The following HEPACAM2 variants were observed in gnomAD, a reference collection of about 807,000 sequenced individuals.
HEPACAM2 encodes the protein mitotic kinetics regulator.
HEPACAM2 carries 49 observed loss-of-function variants against 49.6 expected under a neutral mutation model. The ratio of observed to expected loss-of-function variants is 0.99; its 90% CI spans 0.78 to 1.25. HEPACAM2 has a LOEUF of 1.25. Among genes scored for constraint, HEPACAM2 ranks in the 50% most tolerant of loss-of-function variants. The probability of loss-of-function intolerance (pLI) is 0.00; values close to 1 mark genes in which losing one functional copy is unlikely to be tolerated. For synonymous variants in HEPACAM2, 197 were observed against 202.9 expected, an observed-to-expected ratio of 0.97 and a Z score of 0.25; for missense variants, 525 against 557.2, an observed-to-expected ratio of 0.94 and a Z score of 0.58.
chr7:93,192,287 T>C lies in HEPACAM2; in HGVS notation c.1352A>G (p.Gln451Arg), dbSNP rs1329046451. Residue 451 changes from glutamine (Q) to arginine (R), a missense_variant, in exon 9 of 10, where the codon CAG (glutamine) becomes CGG (arginine). Transcript: ENST00000394468. ...DLHSTVYEVI[Q>R]HIPAQQQDHP... Reference sequence around the variant, plus strand: ...GTCTTGCTGCTGGGCAGGGATGTGCTGAATAACTTCATACACTGTACTGTG... The same window carrying C: ...GTCTTGCTGCTGGGCAGGGATGTGCCGAATAACTTCATACACTGTACTGTG... The C allele has an allele frequency of 1.2e-6, 2 of 1,612,840 alleles. No individual in the cohort carries two copies. Among genetic ancestry groups the C allele is most frequent in the Non-Finnish European group, 1.7e-6 (2 of 1,179,148 alleles).
chr7:93,220,139 G>A (rs76843984), intron 1 of HEPACAM2, among the ~76,000 whole-genome samples: 3,959 of 152,204 alleles, frequency 0.026, 182 homozygotes, highest in African/African-American at 0.09. Context: ...CAGGACCTTA[G>A]GATCACGGGA....
At chr7:93,203,407 C>T (rs1418861303) in intron 4 of HEPACAM2, among the ~76,000 whole-genome samples, 1 of 152,136 alleles carries the variant, frequency 6.6e-6, no homozygotes, top group African/African-American at 2.4e-5. Context: ...CAAAGATGAA[C>T]TTCCAGAACC....
rs753222249 is a variant in HEPACAM2, at chr7:93,219,190, A to G, written c.341T>C (p.Phe114Ser). ...NASLLINPLQ[F>S]PDEGNYIVKV... is the part of the protein sequence containing the mutation. ...CACGATGTAATTGCCTTCATCAGGG[A>G]ACTGCAGTGGGTTGATAAGCAGAGA... Residue 114 changes from phenylalanine (F) to serine (S), a missense_variant, in exon 2 of 10, where the codon TTC becomes TCC. Transcript: ENST00000394468. 1.2e-6 allele frequency: 2 copies of G among 1,613,906 alleles called. No homozygotes were observed. Among genetic ancestry groups the G allele is most frequent in the East Asian group, 4.5e-5 (2 of 44,874 alleles).
chr7:93,195,232 G>T (rs939826518), intron 8 of HEPACAM2, among the ~76,000 whole-genome samples: 1 of 152,010 alleles, frequency 6.6e-6, no homozygotes, highest in African/African-American at 2.4e-5. Flanking sequence ...TGTTTATTCA[G>T]TATTTATTTA....
chr7:93,196,669 A>T (rs1377291855), intron 7 of HEPACAM2, among the ~76,000 whole-genome samples: 2 of 152,130 alleles, frequency 1.3e-5, no homozygotes, highest in African/African-American at 4.8e-5. Flanking sequence ...CTAAGGTGAC[A>T]TGAGGGGAAA....
intron 8 of HEPACAM2, among the ~76,000 whole-genome samples, chr7:93,193,685 T>A (rs1584326213): frequency 6.6e-6 from 1 of 152,256 alleles, no homozygotes; most frequent in East Asian, 1.9e-4. Context: ...GTGATCCTCC[T>A]AACTCAGCTT....
At chr7:93,202,035 A>AAAAAAAAAAAAAAAC (rs1793905402) in intron 4 of HEPACAM2, among the ~76,000 whole-genome samples, 1 of 3,428 alleles carries the variant, frequency 2.9e-4, no homozygotes, top group Non-Finnish European at 4.8e-4. Flanking sequence ...AAAAAACCAA[A>AAAAAAAAAAAAAAAC]AAAAAAAAAA....
At chr7:93,197,186 C>T in intron 7 of HEPACAM2, 55 bp downstream of exon 7, 1 of 1,260,314 alleles carries the variant, frequency 7.9e-7, no homozygotes, top group Non-Finnish European at 1.1e-6. Flanking sequence ...AATATTAACA[C>T]AACTAATTAA....
At chr7:93,191,987 G>A (rs1302712606) in intron 9 of HEPACAM2, among the ~76,000 whole-genome samples, 1 of 152,062 alleles carries the variant, frequency 6.6e-6, no homozygotes, top group Non-Finnish European at 1.5e-5. Context: ...GAAATATTGT[G>A]AGAAACTAAT....
intron 1 of HEPACAM2, among the ~76,000 whole-genome samples, chr7:93,221,573 C>T (rs978071642): frequency 2.6e-5 from 4 of 152,074 alleles, no homozygotes; most frequent in Non-Finnish European, 4.4e-5. Context: ...CAGTTTGGGC[C>T]TTTGGCTAGC....
intron 2 of HEPACAM2, among the ~76,000 whole-genome samples, chr7:93,218,514 G>T (rs977747829): frequency 7.9e-5 from 12 of 152,128 alleles, no homozygotes; most frequent in African/African-American, 2.7e-4. Flanking sequence ...TTAAAATGGG[G>T]AATACTGTCA....
At chr7:93,199,861 T>C (rs1174466060) in intron 4 of HEPACAM2, among the ~76,000 whole-genome samples, 1 of 152,092 alleles carries the variant, frequency 6.6e-6, no homozygotes, top group Non-Finnish European at 1.5e-5. Context: ...CATAGTAATT[T>C]CATTATCATT....
intron 2 of HEPACAM2, among the ~76,000 whole-genome samples, chr7:93,217,775 T>C (rs1239451831): frequency 6.6e-6 from 1 of 151,942 alleles, no homozygotes; most frequent in African/African-American, 2.4e-5. Flanking sequence ...ATCTATAATA[T>C]GCCCAGGTAG....
At chr7:93,191,944 A>G (rs1038515805) in intron 9 of HEPACAM2, among the ~76,000 whole-genome samples, 1 of 152,124 alleles carries the variant, frequency 6.6e-6, no homozygotes, top group Non-Finnish European at 1.5e-5. Flanking sequence ...TAGCCTGAAC[A>G]TTCCTTTCAT....
chr7:93,227,422 T>G (rs1794560282), upstream of HEPACAM2, among the ~76,000 whole-genome samples: 1 of 152,140 alleles, frequency 6.6e-6, no homozygotes, highest in African/African-American at 2.4e-5. Flanking sequence ...TGCATCAGTT[T>G]TAACAGTAAA....
intron 4 of HEPACAM2, among the ~76,000 whole-genome samples, chr7:93,198,432 A>G (rs890662555): frequency 6.6e-6 from 1 of 152,102 alleles, no homozygotes; most frequent in African/African-American, 2.4e-5. Flanking sequence ...TAGAATCCAG[A>G]TGTTACCCCA....
Position 93,208,600 on chromosome 7 carries a change from G to A in HEPACAM2, c.992C>T (p.Thr331Ile). ...CATACCTACGGAAGTGATGATAACT[G>A]TGAAATGAGTTTCATCTTGCCTGCC... ...ITGRQDETHFTVIITSVGLEK... is the reference protein window; with the variant it reads ...ITGRQDETHFIVIITSVGLEK... Residue 331 changes from threonine to isoleucine, a missense_variant, in exon 4 of 10, where the codon ACA (threonine) becomes ATA (isoleucine). By Grantham distance (89) the Thr-to-Ile change is moderately conservative. Coordinates refer to ENST00000394468, the MANE Select transcript of HEPACAM2 (RefSeq NM_001039372.4). The A allele has an allele frequency of 6.2e-7, 1 of 1,612,704 alleles. No homozygotes were observed. Among genetic ancestry groups the A allele is most frequent in the Non-Finnish European group, 8.5e-7 (1 of 1,179,140 alleles).
intron 1 of HEPACAM2, chr7:93,226,054 A>G (rs1350352180): frequency 3.5e-6 from 2 of 570,250 alleles, no homozygotes; most frequent in East Asian, 5.7e-5. Flanking sequence ...TAAATGCATT[A>G]AAGACTATTG....
chr7:93,226,854 T>TA (rs549204121), upstream of HEPACAM2, among the ~76,000 whole-genome samples: 11 of 151,964 alleles, frequency 7.2e-5, no homozygotes, highest in Non-Finnish European at 1.0e-4. Flanking sequence ...ATTTTAAAAT[T>TA]AAAAAAAATT....
Sources: gnomAD v4.1 joint callset for allele counts (sites outside exome capture counted in the v4.1 genomes callset) on GRCh38, gnomAD v4.1.1 for gene constraint, MANE v1.5 for transcripts, NCBI Gene and HGNC (gene_info 2026-07-23, HGNC 2026-07-21) for gene names.